SEMA5B: variants seen among roughly 807,000 people sequenced by gnomAD.
The protein encoded by SEMA5B is semaphorin 5B, also known as semaphorin-5B.
A neutral mutation model predicts 135.0 loss-of-function variants in SEMA5B; 66 were observed. The observed-to-expected ratio is 0.49, with a 90% CI of 0.40 to 0.60. SEMA5B has a LOEUF of 0.60. Among genes scored for constraint, SEMA5B ranks in the 20% least tolerant of loss-of-function variants. The probability of loss-of-function intolerance (pLI) is 0.00; values close to 1 mark genes in which losing one functional copy is unlikely to be tolerated. For missense variants in SEMA5B, 1,501 were observed against 1,566.3 expected (o/e 0.96, Z 0.70); for synonymous variants, 690 against 639.5 (o/e 1.08, Z -1.19).
rs1279855694 is a variant in SEMA5B, at chr3:122,922,319, G to C, written c.1401C>G (p.Asp467Glu). Residue 467 changes from aspartate (D) to glutamate (E), a missense_variant, in exon 11 of 23, where the codon GAC becomes GAG. Physicochemically the swap from Asp to Glu is conservative, Grantham distance 45. This residue lies in a region of SEMA5B where 574 missense variants were observed against 684.7 expected (regional missense o/e 0.84). Transcript: ENST00000357599. Reference sequence around the variant, plus strand: ...CCACGAGGTGTGAGAAGCGCACGCTGTCCTGGGTGACACAGGGCTCGGGTG... The same window carrying C: ...CCACGAGGTGTGAGAAGCGCACGCTCTCCTGGGTGACACAGGGCTCGGGTG... ...PVTPEPCVTQ[D>E]SVRFSHLVVD... The C allele has an allele frequency of 2.0e-5, 32 of 1,613,940 alleles. No individual in the cohort carries two copies. Among genetic ancestry groups the C allele is most frequent in the Non-Finnish European group, 2.2e-5 (26 of 1,179,948 alleles).
At position 122,948,703 on chromosome 3, in the gene SEMA5B, A is replaced by T. The variant is rs544926966; in HGVS notation, c.131T>A (p.Leu44His). 3.0e-5 allele frequency: 48 copies of T among 1,597,946 alleles called. No individual in the cohort carries two copies. The East Asian group carries it at 3.4e-4, about 11-fold the overall frequency. Residue 44 changes from leucine to histidine, a missense_variant, in exon 3 of 23, where the codon CTC (leucine) becomes CAC (histidine). Physicochemically the swap from Leu to His is moderately conservative, Grantham distance 99 (BLOSUM62 -3). Transcript: ENST00000357599. ...CCTAGCTCCGGGAGGCAGACAGGGG[A>T]GAAGACCTGCAACGTAAACACTCAG... is the stretch of plus-strand genomic sequence containing the variant. ...GWLLSLVRGL[L>H]PCLPPGARTA...
chr3:123,006,941 C>T (rs917983230), intron 1 of SEMA5B, among the ~76,000 whole-genome samples: 6 of 152,180 alleles, frequency 3.9e-5, no homozygotes, highest in African/African-American at 1.4e-4. Context: ...GATATTCCAG[C>T]CTCTCTTTGC....
intron 2 of SEMA5B, among the ~76,000 whole-genome samples, chr3:122,958,924 C>T (rs1056100371): frequency 2.0e-5 from 3 of 152,156 alleles, no homozygotes; most frequent in African/African-American, 4.8e-5. Context: ...AGTGTTCCGG[C>T]AGTCCTCCCT....
At chr3:122,945,314 T>C (rs550051766) in intron 3 of SEMA5B, among the ~76,000 whole-genome samples, 8 of 152,334 alleles carry the variant, frequency 5.3e-5, no homozygotes, top group South Asian at 4.1e-4. Flanking sequence ...GTAGTCACGA[T>C]GGCTTTTGGG....
At chr3:122,965,712 A>G (rs1940787462) in intron 1 of SEMA5B, among the ~76,000 whole-genome samples, 1 of 152,240 alleles carries the variant, frequency 6.6e-6, no homozygotes, top group East Asian at 1.9e-4. Context: ...CCTAAGTGAT[A>G]CACTCCCTAC....
At chr3:122,978,628 G>A (rs1201734666) in intron 1 of SEMA5B, among the ~76,000 whole-genome samples, 1 of 152,068 alleles carries the variant, frequency 6.6e-6, no homozygotes, top group Non-Finnish European at 1.5e-5. Flanking sequence ...CAGGACCAGC[G>A]TTCTAAACAT....
chr3:122,987,786 C>T (rs1941747730), intron 1 of SEMA5B, among the ~76,000 whole-genome samples: 1 of 152,100 alleles, frequency 6.6e-6, no homozygotes, highest in African/African-American at 2.4e-5. Flanking sequence ...TACCTTGAAT[C>T]CCTTTCTGGA....
intron 3 of SEMA5B, among the ~76,000 whole-genome samples, chr3:122,944,886 C>T (rs1267371788): frequency 2.0e-5 from 3 of 152,212 alleles, no homozygotes; most frequent in African/African-American, 7.2e-5. Flanking sequence ...AGCAGAGGAA[C>T]TTTCATGCCG....
At chr3:122,946,054 G>C (rs948416178) in intron 3 of SEMA5B, among the ~76,000 whole-genome samples, 1 of 152,208 alleles carries the variant, frequency 6.6e-6, no homozygotes, top group Non-Finnish European at 1.5e-5. Flanking sequence ...AGCACGTTCC[G>C]AGCTCTGTGT....
At chr3:122,988,583 G>A (rs959976395) in intron 1 of SEMA5B, among the ~76,000 whole-genome samples, 1 of 152,218 alleles carries the variant, frequency 6.6e-6, no homozygotes, top group Non-Finnish European at 1.5e-5. Context: ...GGACACTGGG[G>A]AGCCTCCTGC....
chr3:122,917,712 G>A (rs920169203), intron 12 of SEMA5B, among the ~76,000 whole-genome samples: 2 of 152,006 alleles, frequency 1.3e-5, no homozygotes, highest in Admixed American at 1.3e-4. Flanking sequence ...AGCACACTGT[G>A]GCCCACCCAG....
chr3:122,968,356 A>G (rs1940962054), intron 1 of SEMA5B, among the ~76,000 whole-genome samples: 1 of 152,208 alleles, frequency 6.6e-6, no homozygotes. Flanking sequence ...ACAGAAATTC[A>G]TGGATGCAAA....
intron 1 of SEMA5B, among the ~76,000 whole-genome samples, chr3:123,002,933 T>C (rs914559697): frequency 3.9e-5 from 6 of 152,168 alleles, no homozygotes; most frequent in Non-Finnish European, 5.9e-5. Flanking sequence ...GAGGTGGCAC[T>C]TTGTAACCTG....
intron 7 of SEMA5B, 138 bp from the exon 8 acceptor site, chr3:122,928,141 C>T (rs781724244): frequency 1.4e-4 from 87 of 602,784 alleles, no homozygotes; most frequent in Non-Finnish European, 2.2e-4. Context: ...CACTGCTCAG[C>T]TCATGGTCCC....
At position 122,956,436 on chromosome 3, in the gene SEMA5B, G is replaced by C. The variant is rs142716526; in HGVS notation, c.124+4704C>G. ...ACAGAGATTAGGAAGAGGGTTTGCT[G>C]TAACAGGGGGAGTGAGTGAAATTGG... On this transcript the variant is annotated intron_variant, in intron 2 of 22. Coordinates refer to ENST00000357599, the MANE Select transcript of SEMA5B (RefSeq NM_001031702.4). Among the ~76,000 whole-genome samples, 488 of 152,328 alleles carry C rather than the reference G, an allele frequency of 3.2e-3. 4 individuals carry two copies. Among genetic ancestry groups the C allele is most frequent in the African/African-American group, 0.011 (470 of 41,574 alleles).
chr3:122,934,727 G>A (rs1020526194), intron 5 of SEMA5B, among the ~76,000 whole-genome samples: 18 of 152,162 alleles, frequency 1.2e-4, no homozygotes, highest in African/African-American at 4.3e-4. Flanking sequence ...TAAATAAAAA[G>A]AATCCCAGCC....
intron 1 of SEMA5B, chr3:122,975,948 C>T: frequency 6.5e-7 from 1 of 1,531,984 alleles, no homozygotes; most frequent in Non-Finnish European, 8.7e-7. Flanking sequence ...TCCATCCAAC[C>T]TCCTCAACAC....
intron 21 of SEMA5B, 68 bp downstream of exon 21, chr3:122,911,423 C>T (rs1056488791): frequency 1.2e-5 from 19 of 1,573,516 alleles, no homozygotes; most frequent in Non-Finnish European, 1.6e-5. Flanking sequence ...GGAAAGAGTC[C>T]AGACTTTGGA....
At chr3:123,026,683 C>T (rs559226266) in intron 1 of SEMA5B, among the ~76,000 whole-genome samples, 3 of 152,356 alleles carry the variant, frequency 2.0e-5, no homozygotes, top group South Asian at 2.1e-4. Context: ...CGCTCCCTCC[C>T]TCCTCGCTGG....
Sources: allele counts gnomAD v4.1 joint callset (sites outside exome capture counted in the v4.1 genomes callset), GRCh38; gene constraint gnomAD v4.1.1; regional missense constraint gnomAD v4.1.1; transcripts MANE v1.5; gene names NCBI Gene and HGNC (gene_info 2026-07-23, HGNC 2026-07-21).